Variants in ALK observed in about 807,000 individuals in gnomAD.
ALK encodes ALK receptor tyrosine kinase.
A neutral mutation model predicts 163.1 loss-of-function variants in ALK; 74 were observed. The ratio of observed to expected loss-of-function variants is 0.45; its 90% CI spans 0.38 to 0.55. The LOEUF (loss-of-function observed/expected upper bound fraction) is 0.55. Ranked by LOEUF, ALK falls within the 20% of genes least tolerant of loss-of-function variation. The probability of loss-of-function intolerance (pLI) is 0.00; values close to 1 mark genes in which losing one functional copy is unlikely to be tolerated. For synonymous variants in ALK, 960 were observed against 843.2 expected (o/e 1.14, Z -2.40); for missense variants, 2,063 against 2,105.3 (o/e 0.98, Z 0.39).
At chr2:29,505,449 A>G (rs980745446) in intron 4 of ALK, among the ~76,000 whole-genome samples, 10 of 152,202 alleles carry the variant, frequency 6.6e-5, no homozygotes, top group Non-Finnish European at 1.3e-4. Context: ...TTCAAATGCC[A>G]GGTGGAAGTC....
At chr2:29,665,896 C>T (rs1156879224) in intron 3 of ALK, among the ~76,000 whole-genome samples, 1 of 152,044 alleles carries the variant, frequency 6.6e-6, no homozygotes, top group Non-Finnish European at 1.5e-5. Context: ...TCAACCTCCT[C>T]TTGTTCCTGA....
In ALK at chr2:29,800,413, C is replaced by T. The variant is rs1231949470; in HGVS notation, c.668-82716G>A. On this transcript the variant is annotated intron_variant, in intron 1 of 28. Transcript: ENST00000389048. ...TGTGAACCATTACTTGGTTTTATTG[C>T]GTTCACAGGCAATGTAAGATGATCA... Among the ~76,000 whole-genome samples the T allele has an allele frequency of 4.6e-5, 7 of 152,262 alleles. No homozygotes were observed. The East Asian group carries it at 5.8e-4, about 13-fold the overall frequency.
intron 3 of ALK, among the ~76,000 whole-genome samples, chr2:29,660,072 A>T (rs906394884): frequency 6.6e-6 from 1 of 152,304 alleles, no homozygotes; most frequent in South Asian, 2.1e-4. Flanking sequence ...TTTTGGAAGG[A>T]AGCCTTGTCC....
chr2:29,603,143 A>G lies in ALK; in HGVS notation c.953-71027T>C, dbSNP rs1675424909. On this transcript the variant is annotated intron_variant, in intron 3 of 28. Transcript: ENST00000389048. ...GTTAAGATAAGGGGTTACAGAGACC[A>G]AGGTTCTTATTATGAAGATGAAGTC... Among the ~76,000 whole-genome samples the G allele has an allele frequency of 3.3e-5, 5 of 152,204 alleles. No individual in the cohort carries two copies. The South Asian group carries it at 8.3e-4, about 25-fold the overall frequency.
At chr2:29,450,738 C>T (rs902227154) in intron 4 of ALK, among the ~76,000 whole-genome samples, 34 of 152,130 alleles carry the variant, frequency 2.2e-4, no homozygotes, top group African/African-American at 8.2e-4. Flanking sequence ...GTTTGCAGGA[C>T]TATGGCCTAT....
chr2:29,197,780 C>A (rs2148143909), intron 26 of ALK, 104 bp from the exon 27 acceptor site: 1 of 994,606 alleles, frequency 1.0e-6, no homozygotes. Context: ...TTTTTTCCCC[C>A]ATTATACCCT....
chr2:29,392,836 A>G (rs1669209273), intron 4 of ALK, among the ~76,000 whole-genome samples: 2 of 152,204 alleles, frequency 1.3e-5, no homozygotes, highest in Non-Finnish European at 2.9e-5. Flanking sequence ...CATGCCGTGA[A>G]ATACCCTGTG....
At position 29,341,934 on chromosome 2, in the gene ALK, G is replaced by A. The variant is rs145071761; in HGVS notation, c.1283-13453C>T. Reference sequence around the variant, plus strand: ...CTCATGTGAGGGTCTGAACTTCTCAGAACCACAAGATTGGGAGAAACCTAA... The same window carrying A: ...CTCATGTGAGGGTCTGAACTTCTCAAAACCACAAGATTGGGAGAAACCTAA... On this transcript the variant is annotated intron_variant, in intron 5 of 28. Coordinates refer to ENST00000389048, the MANE Select transcript of ALK (RefSeq NM_004304.5). 5.0e-4 allele frequency among the ~76,000 whole-genome samples: 76 copies of A among 152,278 alleles called. No individual in the cohort carries two copies. In the East Asian group the frequency reaches 0.012, roughly 24 times the overall value.
intron 4 of ALK, among the ~76,000 whole-genome samples, chr2:29,528,956 T>C (rs570068487): frequency 3.2e-4 from 48 of 152,276 alleles, no homozygotes; most frequent in Admixed American, 5.9e-4. Context: ...CCTGCGAGAC[T>C]CCAGCCAAAG....
intron 3 of ALK, among the ~76,000 whole-genome samples, chr2:29,534,704 G>A (rs562058346): frequency 1.1e-3 from 160 of 152,324 alleles, no homozygotes; most frequent in African/African-American, 3.8e-3. Flanking sequence ...TGCATGAGAA[G>A]CTCAAAAATC....
intron 3 of ALK, among the ~76,000 whole-genome samples, chr2:29,625,164 C>A (rs1676156649): frequency 6.6e-6 from 1 of 152,092 alleles, no homozygotes; most frequent in Non-Finnish European, 1.5e-5. Context: ...AGGTGCTGTG[C>A]TAAGCAATTT....
chr2:29,231,909 G>A (rs1664219361), intron 15 of ALK, among the ~76,000 whole-genome samples: 1 of 152,170 alleles, frequency 6.6e-6, no homozygotes, highest in Non-Finnish European at 1.5e-5. Context: ...AGGGCCTGGA[G>A]GTCTGTACCA....
At chr2:29,248,018 G>T (rs1664729886) in intron 12 of ALK, among the ~76,000 whole-genome samples, 1 of 152,160 alleles carries the variant, frequency 6.6e-6, no homozygotes, top group Non-Finnish European at 1.5e-5. Flanking sequence ...TTTTGAAGTG[G>T]TCTAAAAATC....
chr2:29,244,019 A>G (rs1664590359), intron 12 of ALK, among the ~76,000 whole-genome samples: 1 of 152,234 alleles, frequency 6.6e-6, no homozygotes, highest in Non-Finnish European at 1.5e-5. Flanking sequence ...TTTTTTAAAT[A>G]AAGAATTAGC....
intron 9 of ALK, 142 bp downstream of exon 9, chr2:29,296,746 T>G: frequency 1.2e-6 from 1 of 857,054 alleles, no homozygotes; most frequent in Non-Finnish European, 1.9e-6. Context: ...TGTGTGCACG[T>G]GCGTGCACGC....
intron 9 of ALK, among the ~76,000 whole-genome samples, chr2:29,281,699 G>A (rs183232708): frequency 6.6e-5 from 10 of 152,278 alleles, no homozygotes; most frequent in African/African-American, 9.6e-5. Flanking sequence ...CTACAGAGAC[G>A]CCTTTTGAAA....
At chr2:29,308,257 A>G (rs964177343) in intron 8 of ALK, among the ~76,000 whole-genome samples, 3 of 152,198 alleles carry the variant, frequency 2.0e-5, no homozygotes, top group Non-Finnish European at 4.4e-5. Flanking sequence ...CCCTTTCTCT[A>G]TAGCAAAGCT....
At chr2:29,604,130 T>A (rs1032813343) in intron 3 of ALK, among the ~76,000 whole-genome samples, 1 of 152,036 alleles carries the variant, frequency 6.6e-6, no homozygotes, top group Non-Finnish European at 1.5e-5. Flanking sequence ...CCACTACCTA[T>A]TTTTGTATAA....
chr2:29,701,088 A>G (rs758284196), intron 2 of ALK, among the ~76,000 whole-genome samples: 3 of 152,200 alleles, frequency 2.0e-5, no homozygotes, highest in Non-Finnish European at 4.4e-5. Context: ...ATAACACCAC[A>G]AAAGGGGAAT....
Sources: gnomAD v4.1 joint callset for allele counts (sites outside exome capture counted in the v4.1 genomes callset) on GRCh38, gnomAD v4.1.1 for gene constraint, MANE v1.5 for transcripts, NCBI Gene and HGNC (gene_info 2026-07-23, HGNC 2026-07-21) for gene names.